ZAR1: variants seen among roughly 807,000 people sequenced by gnomAD.
ZAR1 encodes zygote arrest 1.
In ZAR1, 37 loss-of-function variants were observed where a neutral mutation model predicts 38.3. The observed-to-expected ratio is 0.97, with a 90% CI of 0.74 to 1.27. The LOEUF (loss-of-function observed/expected upper bound fraction) is 1.27, where lower values mean the gene tolerates loss of function less well. ZAR1 is among the 50% of genes most tolerant of loss of function. The pLI is 0.00. For missense variants in ZAR1, 651 were observed against 632.4 expected (o/e 1.03, Z -0.32); for synonymous variants, 336 against 292.0 (o/e 1.15, Z -1.53).
At position 48,490,971 on chromosome 4, in the gene ZAR1, A is replaced by G. The variant is rs1350083902; in HGVS notation, c.680A>G (p.Glu227Gly). The G allele has an allele frequency of 3.0e-6, 4 of 1,349,770 alleles. No individual in the cohort carries two copies. In the South Asian group the frequency reaches 5.4e-5, roughly 18 times the overall value. 83.6% of individuals were successfully genotyped at this position (1,349,770 alleles called of 1,614,324 possible). Residue 227 changes from glutamate to glycine, a missense_variant, in exon 1 of 4, where the codon GAG becomes GGG. Around this residue, in one of 2 missense-constraint regions of ZAR1, gnomAD observed 522 missense variants for 459.9 expected, o/e 1.14. Transcript: ENST00000327939. ...CGGCTTCAAGGCCCAGAGGAGGGGG[A>G]GGTGTGGACGAAGAAGGCGCCCCGG... ...PARLQGPEEG[E>G]VWTKKAPRRP...
At chr4:48,497,006 T>C (rs1162623123), downstream of ZAR1, among the ~76,000 whole-genome samples, 1 of 152,216 alleles carries the variant, frequency 6.6e-6, no homozygotes, top group Non-Finnish European at 1.5e-5. Context: ...AGGGAGGTTA[T>C]GTGTTTTGCC....
At chr4:48,491,678 A>C (rs1376336177) in intron 1 of ZAR1, among the ~76,000 whole-genome samples, 4 of 152,212 alleles carry the variant, frequency 2.6e-5, no homozygotes, top group Non-Finnish European at 4.4e-5. Context: ...GATGTGGCAA[A>C]AACCCTTCAA....
At chr4:48,493,989 C>A in intron 3 of ZAR1, 112 bp from the exon 4 acceptor site, 1 of 1,324,232 alleles carries the variant, frequency 7.6e-7, no homozygotes, top group Non-Finnish European at 1.0e-6. Context: ...ACTATGGGAC[C>A]TTGCTTAGAG....
downstream of ZAR1, among the ~76,000 whole-genome samples, chr4:48,495,744 T>C (rs1718574595): frequency 1.3e-5 from 2 of 152,176 alleles, no homozygotes; most frequent in Non-Finnish European, 2.9e-5. Flanking sequence ...AAAAGAACGA[T>C]ACCTCAGCTA....
At chr4:48,491,401 C>G (rs1718439234) in intron 1 of ZAR1, 147 bp downstream of exon 1, 1 of 540,150 alleles carries the variant, frequency 1.9e-6, no homozygotes. Context: ...AGCCAATGAC[C>G]GCGATAGGTG....
downstream of ZAR1, chr4:48,497,342 GA>G (rs2148677712): frequency 6.6e-6 from 1 of 152,274 alleles, no homozygotes; most frequent in South Asian, 2.1e-4. Context: ...CCATCCTAAT[GA>G]ATTTGTTTGC....
At chr4:48,492,689 G>A in intron 1 of ZAR1, 77 bp from the exon 2 acceptor site, 11 of 1,437,746 alleles carry the variant, frequency 7.7e-6, no homozygotes, top group African/African-American at 1.4e-5. Flanking sequence ...CAAATATCAA[G>A]TAGATCCTTC....
chr4:48,497,130 GTCTTA>G (rs1405725113), downstream of ZAR1, among the ~76,000 whole-genome samples: 1 of 152,164 alleles, frequency 6.6e-6, no homozygotes, highest in Non-Finnish European at 1.5e-5. Flanking sequence ...TTTTGCTGTT[GTCTTA>G]TAAGCGTACT....
intron 1 of ZAR1, among the ~76,000 whole-genome samples, 200 bp downstream of exon 1, chr4:48,491,454 T>TA (rs907876580): frequency 3.3e-5 from 5 of 152,198 alleles, no homozygotes; most frequent in Non-Finnish European, 7.4e-5. Context: ...CATCCAGACT[T>TA]ACTCGTGGCG....
intron 1 of ZAR1, 67 bp from the exon 2 acceptor site, chr4:48,492,699 C>T: frequency 6.7e-7 from 1 of 1,500,252 alleles, no homozygotes; most frequent in East Asian, 2.3e-5. Flanking sequence ...GTAGATCCTT[C>T]CCAACGTCTG....
chr4:48,495,900 C>T (rs116019466), downstream of ZAR1, among the ~76,000 whole-genome samples: 162 of 152,254 alleles, frequency 1.1e-3, no homozygotes, highest in African/African-American at 3.7e-3. Context: ...ACATGACATG[C>T]CAGGTGAATC....
At chr4:48,494,076 GC>G in intron 3 of ZAR1, 24 bp from the exon 4 acceptor site, 1 of 1,606,252 alleles carries the variant, frequency 6.2e-7, no homozygotes. Context: ...TCTTCTGCAT[GC>G]CCTTCTGTAT....
At chr4:48,496,273 T>C (rs10031777), downstream of ZAR1, among the ~76,000 whole-genome samples, 78,110 of 151,934 alleles carry the variant, frequency 0.51, 20,550 homozygotes, top group African/African-American at 0.61. Context: ...GATGTGTTTT[T>C]TACTGGTTCG....
At chr4:48,491,462 G>T (rs1718441111) in intron 1 of ZAR1, among the ~76,000 whole-genome samples, 1 of 152,248 alleles carries the variant, frequency 6.6e-6, no homozygotes, top group African/African-American at 2.4e-5. Flanking sequence ...CTTACTCGTG[G>T]CGGCTGCTCC....
At chr4:48,491,622 C>T (rs748196270) in intron 1 of ZAR1, among the ~76,000 whole-genome samples, 10 of 152,252 alleles carry the variant, frequency 6.6e-5, no homozygotes, top group Admixed American at 6.5e-4. Context: ...CACTTGCCGG[C>T]TGGAGAGTCG....
chr4:48,492,683 T>C (rs1718477104), intron 1 of ZAR1, 83 bp from the exon 2 acceptor site: 2 of 1,394,274 alleles, frequency 1.4e-6, no homozygotes, highest in South Asian at 2.5e-5. Context: ...CAATTTCAAA[T>C]ATCAAGTAGA....
Position 48,490,905 on chromosome 4 carries a change from G to C in ZAR1, c.614G>C (p.Arg205Thr), listed in dbSNP as rs1047558006. The change falls in exon 1 of 4, where the codon AGG (arginine) becomes ACG (threonine). Residue 205 changes from arginine to threonine, a missense_variant. Arg to Thr is a moderately conservative substitution (Grantham distance 71). Coordinates refer to ENST00000327939, the MANE Select transcript of ZAR1 (RefSeq NM_175619.3). ...EGPGPAAGEQRSGASDGERGP... is the reference protein window; with the variant it reads ...EGPGPAAGEQTSGASDGERGP... ...CCCGGGCCCGCGGCGGGCGAGCAGAGGTCCGGGGCGTCGGACGGAGAGAGG... is the reference window on the plus strand; with the variant it reads ...CCCGGGCCCGCGGCGGGCGAGCAGACGTCCGGGGCGTCGGACGGAGAGAGG... 2.9e-6 allele frequency: 4 copies of C among 1,369,048 alleles called. No individual in the cohort carries two copies. Among genetic ancestry groups the C allele is most frequent in the South Asian group, 1.7e-5 (1 of 59,536 alleles). 84.8% of individuals were successfully genotyped at this position (1,369,048 alleles called of 1,614,324 possible). A position where few individuals can be genotyped will look rare whatever the true frequency, so the allele number is the denominator to read the frequency against.
chr4:48,490,257 T>C lies in ZAR1; in HGVS notation c.-35T>C. 6.8e-7 allele frequency: 1 copy of C among 1,476,254 alleles called. No homozygotes were observed. Among genetic ancestry groups the C allele is most frequent in the South Asian group, 1.3e-5 (1 of 77,618 alleles). The allele number at this position is 1,476,254 out of a possible 1,614,324, so 91.4% of individuals were successfully genotyped here. On this transcript the variant is annotated 5_prime_UTR_variant, in exon 1 of 4. Transcript: ENST00000327939. ...CTCGGCCGCCCGGGCAAGTCGCCTATTTAGGGTGCGGCGGCGGGCGGGAGC... is the reference window on the plus strand; with the variant it reads ...CTCGGCCGCCCGGGCAAGTCGCCTACTTAGGGTGCGGCGGCGGGCGGGAGC...
chr4:48,494,913 C>A (rs571884307), downstream of ZAR1, among the ~76,000 whole-genome samples: 1 of 152,244 alleles, frequency 6.6e-6, no homozygotes, highest in Non-Finnish European at 1.5e-5. Flanking sequence ...TAGTCAGTTT[C>A]ACAAATGTGG....
Sources: allele counts gnomAD v4.1 joint callset (sites outside exome capture counted in the v4.1 genomes callset), GRCh38; gene constraint gnomAD v4.1.1; regional missense constraint gnomAD v4.1.1; transcripts MANE v1.5; gene names NCBI Gene and HGNC (gene_info 2026-07-23, HGNC 2026-07-21).